Variants in PLPP1 observed in about 807,000 individuals in gnomAD.
The protein encoded by PLPP1 is phospholipid phosphatase 1.
In PLPP1, 24 loss-of-function variants were observed where a neutral mutation model predicts 31.2. That is an observed-to-expected ratio of 0.77 (90% CI 0.56 to 1.08). The LOEUF is 1.08. PLPP1 is among the 50% of genes least tolerant of loss of function. PLPP1 has a pLI of 0.00. For synonymous variants in PLPP1, 146 were observed against 126.3 expected, an observed-to-expected ratio of 1.16 and a Z score of -1.05; for missense variants, 319 against 342.7, an observed-to-expected ratio of 0.93 and a Z score of 0.55.
At chr5:55,518,662 CAGGCTA>C (rs1268978861) in intron 1 of PLPP1, among the ~76,000 whole-genome samples, 1 of 152,098 alleles carries the variant, frequency 6.6e-6, no homozygotes, top group Non-Finnish European at 1.5e-5. Flanking sequence ...CATTCTTAGC[CAGGCTA>C]AGTTTATAAT....
At chr5:55,531,337 A>G (rs1233312224) in intron 1 of PLPP1, among the ~76,000 whole-genome samples, 1 of 152,236 alleles carries the variant, frequency 6.6e-6, no homozygotes, top group Non-Finnish European at 1.5e-5. Context: ...AAGATGACAT[A>G]CGGACAGAAA....
chr5:55,449,808 G>A (rs1464499075), intron 3 of PLPP1, among the ~76,000 whole-genome samples: 1 of 151,904 alleles, frequency 6.6e-6, no homozygotes, highest in Non-Finnish European at 1.5e-5. Context: ...CTTAAATACT[G>A]AATGTTTAGG....
At chr5:55,472,656 AAG>A (rs1029979858) in intron 2 of PLPP1, among the ~76,000 whole-genome samples, 8 of 35,860 alleles carry the variant, frequency 2.2e-4, no homozygotes, top group African/African-American at 4.9e-4. Flanking sequence ...GAAAGAAAGA[AAG>A]AGAGAGAGAG....
chr5:55,497,539 C>T (rs892324532), intron 1 of PLPP1, among the ~76,000 whole-genome samples: 3 of 151,774 alleles, frequency 2.0e-5, no homozygotes, highest in Admixed American at 6.6e-5. Context: ...ACATATAAAC[C>T]ACCATGCCCA....
At chr5:55,511,440 A>G (rs1753405290) in intron 1 of PLPP1, among the ~76,000 whole-genome samples, 1 of 152,170 alleles carries the variant, frequency 6.6e-6, no homozygotes, top group Non-Finnish European at 1.5e-5. Context: ...ATTACAAAAT[A>G]TATGTATACA....
chr5:55,425,435 A>G (rs1751156382), intron 5 of PLPP1, 101 bp from the exon 6 acceptor site: 6 of 1,135,926 alleles, frequency 5.3e-6, no homozygotes, highest in Non-Finnish European at 7.5e-6. Flanking sequence ...ACAAAAGGAT[A>G]TACTTTGAGG....
intron 1 of PLPP1, among the ~76,000 whole-genome samples, chr5:55,485,486 G>C (rs560447829): frequency 1.1e-4 from 17 of 150,646 alleles, no homozygotes; most frequent in African/African-American, 4.1e-4. Flanking sequence ...TTTTTCTTTT[G>C]GCACTTTCTT....
chr5:55,523,347 C>G (rs1753714382), intron 1 of PLPP1, among the ~76,000 whole-genome samples: 1 of 151,938 alleles, frequency 6.6e-6, no homozygotes, highest in African/African-American at 2.4e-5. Context: ...ATTTTTTGTA[C>G]TCATCAACCA....
chr5:55,475,895 T>C (rs1461949900), intron 1 of PLPP1, among the ~76,000 whole-genome samples: 1 of 152,132 alleles, frequency 6.6e-6, no homozygotes, highest in African/African-American at 2.4e-5. Context: ...TATCAGAGTA[T>C]CTAAATAAAA....
chr5:55,432,644 C>T (rs986740157), intron 4 of PLPP1, among the ~76,000 whole-genome samples: 5 of 115,052 alleles, frequency 4.3e-5, no homozygotes, highest in African/African-American at 1.6e-4. Flanking sequence ...GCTAGCCAGC[C>T]TAATTCAACA....
At chr5:55,459,241 A>G (rs1037970287) in intron 3 of PLPP1, among the ~76,000 whole-genome samples, 3 of 150,786 alleles carry the variant, frequency 2.0e-5, no homozygotes, top group Non-Finnish European at 4.4e-5. Flanking sequence ...AGAAAAAAAA[A>G]ACGACACTTG....
At chr5:55,455,303 T>C (rs1209581252) in intron 3 of PLPP1, among the ~76,000 whole-genome samples, 1 of 152,122 alleles carries the variant, frequency 6.6e-6, no homozygotes, top group Non-Finnish European at 1.5e-5. Flanking sequence ...ATAGACCAGC[T>C]AGGCCGGGCA....
intron 1 of PLPP1, among the ~76,000 whole-genome samples, chr5:55,501,167 G>C (rs928354233): frequency 6.6e-6 from 1 of 152,076 alleles, no homozygotes; most frequent in African/African-American, 2.4e-5. Flanking sequence ...ACAAAAATTA[G>C]CTGGGCACAG....
chr5:55,425,784 T>C, intron 5 of PLPP1, 79 bp downstream of exon 5: 1 of 1,238,398 alleles, frequency 8.1e-7, no homozygotes, highest in Middle Eastern at 2.0e-4. Context: ...AGCTGGGGAT[T>C]TTTTGGATTT....
intron 4 of PLPP1, among the ~76,000 whole-genome samples, chr5:55,427,337 T>C (rs1240235595): frequency 6.6e-6 from 1 of 152,190 alleles, no homozygotes; most frequent in East Asian, 1.9e-4. Flanking sequence ...ACCCAGGGCT[T>C]ATCTAATTTT....
At chr5:55,458,873 G>GGA (rs1404325367) in intron 3 of PLPP1, among the ~76,000 whole-genome samples, 1 of 112,610 alleles carries the variant, frequency 8.9e-6, no homozygotes, top group Non-Finnish European at 1.7e-5. Flanking sequence ...GGGCAACAGA[G>GGA]GAGACCCTGT....
intron 1 of PLPP1, among the ~76,000 whole-genome samples, chr5:55,510,602 A>T (rs1461470329): frequency 6.6e-6 from 1 of 152,180 alleles, no homozygotes; most frequent in Non-Finnish European, 1.5e-5. Flanking sequence ...TACCTATTTC[A>T]AACCTCTTGA....
At chr5:55,443,716 C>T (rs549268370) in intron 3 of PLPP1, among the ~76,000 whole-genome samples, 43 of 152,130 alleles carry the variant, frequency 2.8e-4, no homozygotes, top group Non-Finnish European at 5.4e-4. Context: ...TTGTTGGTTT[C>T]CATTTTTTAC....
intron 1 of PLPP1, among the ~76,000 whole-genome samples, chr5:55,486,023 C>T (rs548075600): frequency 2.6e-5 from 4 of 152,170 alleles, no homozygotes; most frequent in South Asian, 4.1e-4. Context: ...CCAATTTATA[C>T]CCCTGCCAGA....
Sources: allele counts gnomAD v4.1 joint callset (sites outside exome capture counted in the v4.1 genomes callset), GRCh38; gene constraint gnomAD v4.1.1; transcripts MANE v1.5; gene names NCBI Gene and HGNC (gene_info 2026-07-23, HGNC 2026-07-21).